SULF2: variants seen among roughly 807,000 people sequenced by gnomAD.
The protein encoded by SULF2 is sulfatase 2, also known as extracellular sulfatase Sulf-2.
Under a neutral mutation model 107.7 loss-of-function variants are expected in SULF2, and 52 were observed. The ratio of observed to expected loss-of-function variants is 0.48; its 90% CI spans 0.39 to 0.61. The LOEUF (loss-of-function observed/expected upper bound fraction) is 0.61, where lower values mean the gene tolerates loss of function less well. Ranked by LOEUF, SULF2 falls within the 20% of genes least tolerant of loss-of-function variation. SULF2 has a pLI of 0.00. For synonymous variants in SULF2, 460 were observed against 464.3 expected (o/e 0.99, Z 0.12); for missense variants, 993 against 1,177.3 (o/e 0.84, Z 2.29).
At chr20:47,745,004 T>A (rs917645131) in intron 2 of SULF2, among the ~76,000 whole-genome samples, 2 of 152,052 alleles carry the variant, frequency 1.3e-5, no homozygotes, top group African/African-American at 4.8e-5. Context: ...AATCACCAGG[T>A]CCTTTTTCAT....
In SULF2 at chr20:47,661,234, G is replaced by T. The variant is rs147752548; in HGVS notation, c.2494+539C>A. On this transcript the variant is annotated intron_variant, in intron 18 of 20. Transcript: ENST00000688720. ...CCTCACACTTTAAGCTTCCTGGAGC[G>T]CCAGCCCTCCACGTTTTCTCAGTGG... is the stretch of plus-strand genomic sequence containing the variant. Among the ~76,000 whole-genome samples the T allele has an allele frequency of 5.4e-3, 822 of 151,908 alleles. 25 individuals carry two copies. The highest frequency in any genetic ancestry group is 0.036 in the Admixed American group (551 of 15,252).
In SULF2 at chr20:47,665,179, T is replaced by G; in HGVS notation, c.1997+20A>C. 3 of 1,558,424 alleles carry G rather than the reference T, an allele frequency of 1.9e-6. No individual in the cohort carries two copies. Among genetic ancestry groups the G allele is most frequent in the Non-Finnish European group, 2.7e-6 (3 of 1,129,646 alleles). On this transcript the variant is annotated intron_variant, in intron 14 of 20. Coordinates refer to ENST00000688720, the MANE Select transcript of SULF2 (RefSeq NM_001387048.1). ...GTAGGAGAGTGGGGTCTTAGGGAGG[T>G]CCCTTTGCTACTGCCTCACCTGATT...
chr20:47,662,852 CGCAGGGTGATGGAGGCAAAAA>C lies in SULF2; in HGVS notation c.2370+197_2370+217del, dbSNP rs1555823218. 8.3e-4 allele frequency among the ~76,000 whole-genome samples: 123 copies of C among 148,420 alleles called. 1 individual carries two copies. Among genetic ancestry groups the C allele is most frequent in the African/African-American group, 1.5e-3 (61 of 41,030 alleles). Reference sequence around the variant, plus strand: ...GGGAAGAAGCCATATATATTACACACGCAGGGTGATGGAGGCAAAAAGCAGGGTGATGGAGGCAAAAAAGGC... The same window carrying C: ...GGGAAGAAGCCATATATATTACACACGCAGGGTGATGGAGGCAAAAAAGGC... On this transcript the variant is annotated intron_variant, in intron 17 of 20. Transcript: ENST00000688720.
intron 14 of SULF2, 134 bp downstream of exon 14, chr20:47,665,065 A>AT (rs1409474932): frequency 2.2e-5 from 16 of 718,594 alleles, no homozygotes; most frequent in Non-Finnish European, 3.0e-5. Context: ...TAAATTACGG[A>AT]TTTTTTTAAT....
intron 3 of SULF2, among the ~76,000 whole-genome samples, chr20:47,729,307 G>A (rs1318641108): frequency 2.6e-5 from 4 of 152,124 alleles, no homozygotes; most frequent in African/African-American, 9.7e-5. Flanking sequence ...TGGCTGTCGG[G>A]GCCTCTACCC....
At position 47,683,215 on chromosome 20, in the gene SULF2, T is replaced by C. The variant is rs140873366; in HGVS notation, c.889-46A>G. 1,164 of 1,523,988 alleles carry C rather than the reference T, an allele frequency of 7.6e-4. 13 individuals are homozygous for C. The African/African-American group carries it at 0.015, about 19-fold the overall frequency. 94.4% of individuals were successfully genotyped at this position (1,523,988 alleles called of 1,614,324 possible). A position where few individuals can be genotyped will look rare whatever the true frequency, so the allele number is the denominator to read the frequency against. ...CAAGGGACAGTGGGGACTGGGTGCC[T>C]GGCCCGTCTCCGACCCGGGGTGACA... is the stretch of plus-strand genomic sequence containing the variant. On this transcript the variant is annotated intron_variant, in intron 6 of 20. Coordinates refer to ENST00000688720, the MANE Select transcript of SULF2 (RefSeq NM_001387048.1).
intron 7 of SULF2, 31 bp downstream of exon 7, chr20:47,682,963 T>C (rs773650616): frequency 1.9e-6 from 3 of 1,552,510 alleles, no homozygotes; most frequent in Middle Eastern, 3.5e-4. Flanking sequence ...CCCAGGGGCC[T>C]CCCTGGGTCC....
chr20:47,665,375 G>A, intron 13 of SULF2, 82 bp from the exon 14 acceptor site: 1 of 932,466 alleles, frequency 1.1e-6, no homozygotes, highest in Non-Finnish European at 1.8e-6. Context: ...CCCCCACGCT[G>A]CCGTGTCTGT....
intron 10 of SULF2, among the ~76,000 whole-genome samples, chr20:47,673,516 C>A (rs1213626936): frequency 6.6e-6 from 1 of 152,156 alleles, no homozygotes; most frequent in Non-Finnish European, 1.5e-5. Context: ...GCTGCACCGT[C>A]TGCCCCCGCC....
chr20:47,687,042 C>A (rs1423617603), intron 5 of SULF2, among the ~76,000 whole-genome samples: 1 of 152,164 alleles, frequency 6.6e-6, no homozygotes, highest in Non-Finnish European at 1.5e-5. Context: ...GAGCAGCGAG[C>A]GTGTGGGAAA....
chr20:47,748,616 C>T (rs2090098017), intron 2 of SULF2, among the ~76,000 whole-genome samples: 1 of 152,244 alleles, frequency 6.6e-6, no homozygotes, highest in Non-Finnish European at 1.5e-5. Context: ...GGGCACTGGC[C>T]TGGAGGTGCT....
At chr20:47,778,164 C>T (rs928615075) in intron 1 of SULF2, among the ~76,000 whole-genome samples, 2 of 152,162 alleles carry the variant, frequency 1.3e-5, no homozygotes, top group Non-Finnish European at 2.9e-5. Flanking sequence ...CTCCTCTTCT[C>T]TGGCTACTGG....
rs540960816 is a variant in SULF2, at chr20:47,659,859, AGTAGACTGAATTATGAGGG to A, written c.2495-148_2495-130del. On this transcript the variant is annotated intron_variant, in intron 18 of 20. Transcript: ENST00000688720. The stretch of plus-strand genomic sequence containing the variant: ...GATGCTGATAGTGTTCCCTACTCAG[AGTAGACTGAATTATGAGGG>A]GTAGACTGAATTATGAGGGGAACCT... The A allele has an allele frequency of 2.5e-4, 176 of 704,440 alleles. 1 individual carries two copies. In the East Asian group the frequency reaches 2.6e-3, roughly 10 times the overall value. 43.6% of individuals were successfully genotyped at this position (704,440 alleles called of 1,614,324 possible). A position where few individuals can be genotyped will look rare whatever the true frequency, so the allele number is the denominator to read the frequency against.
chr20:47,670,802 G>C (rs138297856), intron 11 of SULF2, among the ~76,000 whole-genome samples: 13 of 151,478 alleles, frequency 8.6e-5, no homozygotes, highest in African/African-American at 2.4e-4. Context: ...GATAGGTTGC[G>C]TACTAGTGGG....
chr20:47,665,802 G>T, intron 13 of SULF2, 55 bp downstream of exon 13: 3 of 1,482,666 alleles, frequency 2.0e-6, no homozygotes, highest in East Asian at 2.3e-5. Context: ...TGAACCGGGG[G>T]TCCTGCCAGG....
intron 3 of SULF2, among the ~76,000 whole-genome samples, chr20:47,723,154 G>A (rs1254906928): frequency 6.6e-6 from 1 of 152,022 alleles, no homozygotes; most frequent in Non-Finnish European, 1.5e-5. Context: ...AGAGGCAGGG[G>A]AATTGCTTGA....
intron 3 of SULF2, among the ~76,000 whole-genome samples, chr20:47,731,187 C>CTTTTTTTTTTTTTTTTTTT (rs71183273): frequency 1.2e-5 from 1 of 81,168 alleles, no homozygotes; most frequent in Non-Finnish European, 2.2e-5. Context: ...TGTATCTTCT[C>CTTTTTTTTTTTTTTTTTTT]TTTTTTTTTT....
chr20:47,716,149 A>G (rs1568851561), intron 3 of SULF2, among the ~76,000 whole-genome samples: 1 of 152,244 alleles, frequency 6.6e-6, no homozygotes, highest in African/African-American at 2.4e-5. Flanking sequence ...TATGTTGGTT[A>G]TATCTAGTGA....
chr20:47,717,536 A>C (rs1211317290), intron 3 of SULF2, among the ~76,000 whole-genome samples: 1 of 152,188 alleles, frequency 6.6e-6, no homozygotes, highest in East Asian at 1.9e-4. Flanking sequence ...GACACACACA[A>C]ATGGGACTCA....
Sources: gnomAD v4.1 joint callset for allele counts (sites outside exome capture counted in the v4.1 genomes callset) on GRCh38, gnomAD v4.1.1 for gene constraint, MANE v1.5 for transcripts, NCBI Gene and HGNC (gene_info 2026-07-23, HGNC 2026-07-21) for gene names.